The following NRG1 variants were observed in gnomAD, a reference collection of about 807,000 sequenced individuals.
The protein encoded by NRG1 is neuregulin 1.
NRG1 carries 18 observed loss-of-function variants against 63.8 expected under a neutral mutation model. The observed-to-expected ratio is 0.28, with a 90% CI of 0.19 to 0.42. The LOEUF (loss-of-function observed/expected upper bound fraction) is 0.42, where lower values mean the gene tolerates loss of function less well. Among genes scored for constraint, NRG1 ranks in the 10% least tolerant of loss-of-function variants. NRG1 has a pLI of 1.00. For missense variants in NRG1, 762 were observed against 814.7 expected (o/e 0.94, Z 0.79); for synonymous variants, 302 against 301.3 (o/e 1.00, Z -0.02).
At chr8:32,435,951 T>G (rs1818732874) in intron 1 of NRG1, among the ~76,000 whole-genome samples, 1 of 152,306 alleles carries the variant, frequency 6.6e-6, no homozygotes, top group African/African-American at 2.4e-5. Context: ...TTTCATAGGG[T>G]ATATTCATCT....
chr8:32,311,571 C>T (rs1380553012), intron 1 of NRG1, among the ~76,000 whole-genome samples: 1 of 152,086 alleles, frequency 6.6e-6, no homozygotes, highest in African/African-American at 2.4e-5. Context: ...AAAAGTCACA[C>T]TTAGAAAATA....
intron 1 of NRG1, among the ~76,000 whole-genome samples, chr8:31,943,314 A>G (rs1802040610): frequency 6.6e-6 from 1 of 152,130 alleles, no homozygotes; most frequent in Non-Finnish European, 1.5e-5. Flanking sequence ...GTTCTCACTC[A>G]TATGTGGGAG....
chr8:31,736,459 C>T (rs1230726584), intron 1 of NRG1, among the ~76,000 whole-genome samples: 3 of 151,994 alleles, frequency 2.0e-5, no homozygotes, highest in Admixed American at 6.6e-5. Context: ...AGAACAGTGA[C>T]GGACACATGA....
chr8:31,813,992 A>G (rs1823192376), intron 1 of NRG1, among the ~76,000 whole-genome samples: 1 of 152,186 alleles, frequency 6.6e-6, no homozygotes, highest in Non-Finnish European at 1.5e-5. Context: ...GAAAAACCAA[A>G]GTTTGAGCTT....
intron 1 of NRG1, among the ~76,000 whole-genome samples, chr8:32,384,957 C>G (rs1178705262): frequency 6.6e-6 from 1 of 152,172 alleles, no homozygotes; most frequent in African/African-American, 2.4e-5. Flanking sequence ...AGAAAAAGTT[C>G]CTGAACTTGT....
At chr8:32,188,070 ATT>A (rs796398786) in intron 1 of NRG1, among the ~76,000 whole-genome samples, 2 of 146,356 alleles carry the variant, frequency 1.4e-5, no homozygotes, top group Non-Finnish European at 3.0e-5. Flanking sequence ...AGGATTATAG[ATT>A]TTTTTTTTTT....
intron 1 of NRG1, among the ~76,000 whole-genome samples, chr8:31,724,664 A>C (rs1232992209): frequency 6.6e-6 from 1 of 152,156 alleles, no homozygotes; most frequent in Non-Finnish European, 1.5e-5. Context: ...CTGTTGAGAT[A>C]CACCACTTAT....
At chr8:31,639,506 C>G (rs1250422370) in intron 1 of NRG1, 2 of 1,519,102 alleles carry the variant, frequency 1.3e-6, no homozygotes, top group Non-Finnish European at 1.8e-6. Context: ...GCAACTCCGC[C>G]TCCAGGGCTC....
At chr8:32,248,999 T>A (rs1164981131) in intron 1 of NRG1, among the ~76,000 whole-genome samples, 7 of 152,098 alleles carry the variant, frequency 4.6e-5, no homozygotes. Flanking sequence ...AGTAAAAGTG[T>A]TTAAGGCTCA....
chr8:31,758,625 G>A (rs1288260134), intron 1 of NRG1, among the ~76,000 whole-genome samples: 1 of 152,096 alleles, frequency 6.6e-6, no homozygotes, highest in Non-Finnish European at 1.5e-5. Context: ...GATTTATCTG[G>A]GTTGTTACAT....
chr8:31,999,832 T>C (rs1169304228), intron 1 of NRG1, among the ~76,000 whole-genome samples: 3 of 152,012 alleles, frequency 2.0e-5, no homozygotes, highest in Non-Finnish European at 4.4e-5. Context: ...GCCATACATT[T>C]TGTAAATAAA....
intron 1 of NRG1, among the ~76,000 whole-genome samples, chr8:32,172,490 G>C (rs1840182918): frequency 6.6e-6 from 1 of 152,204 alleles, no homozygotes; most frequent in East Asian, 1.9e-4. Flanking sequence ...AACAAAGCTG[G>C]ATGGAGTATG....
chr8:32,145,275 G>A (rs1388261844), intron 1 of NRG1, among the ~76,000 whole-genome samples: 4 of 152,126 alleles, frequency 2.6e-5, no homozygotes, highest in African/African-American at 9.7e-5. Flanking sequence ...TGAGATACCT[G>A]AACCAGAAGC....
Position 32,651,848 on chromosome 8 carries a change from C to T in NRG1, c.502+34963C>T, listed in dbSNP as rs117688621. On this transcript the variant is annotated intron_variant, in intron 5 of 11. Transcript: ENST00000356819. The stretch of plus-strand genomic sequence containing the variant: ...TTGGTAACTATGTTTGTAGGTATTT[C>T]AGAACAGTGATTTTAAATAACTTCT... Among the ~76,000 whole-genome samples, 1,182 of 152,158 alleles carry T rather than the reference C, an allele frequency of 7.8e-3. 7 individuals are homozygous for T. The highest frequency in any genetic ancestry group is 0.012 in the Non-Finnish European group (816 of 67,978).
At chr8:31,677,371 A>G (rs944389899) in intron 1 of NRG1, among the ~76,000 whole-genome samples, 2 of 152,154 alleles carry the variant, frequency 1.3e-5, no homozygotes, top group Admixed American at 6.5e-5. Flanking sequence ...GAATCTATGT[A>G]GGGATATAGA....
In NRG1 at chr8:32,134,309, A is replaced by G. The variant is rs558403012; in HGVS notation, c.38-461519A>G. 2.0e-5 allele frequency among the ~76,000 whole-genome samples: 3 copies of G among 152,280 alleles called. No homozygotes were observed. In the South Asian group the frequency reaches 6.2e-4, roughly 32 times the overall value. ...TAAGTAGATAGGATGCTTAGAAACT[A>G]TATTTACCTGGAAGTGGCTTAAAAA... On this transcript the variant is annotated intron_variant, in intron 1 of 10. Coordinates refer to the NRG1 transcript ENST00000519301.
intron 1 of NRG1, among the ~76,000 whole-genome samples, chr8:31,706,372 A>G (rs1811154479): frequency 6.7e-6 from 1 of 148,732 alleles, no homozygotes; most frequent in Non-Finnish European, 1.5e-5. Context: ...CCATATATAC[A>G]TACATAGGGA....
chr8:32,717,514 G>C (rs183267893), intron 5 of NRG1, among the ~76,000 whole-genome samples: 1 of 152,250 alleles, frequency 6.6e-6, no homozygotes, highest in Admixed American at 6.5e-5. Context: ...GGAGTTGTGG[G>C]AAAATATATG....
downstream of NRG1, among the ~76,000 whole-genome samples, chr8:32,770,185 A>T (rs1365234445): frequency 6.6e-6 from 1 of 152,224 alleles, no homozygotes; most frequent in Non-Finnish European, 1.5e-5. Flanking sequence ...TTAATGGCTT[A>T]TGTATAGATT....
Sources: allele counts gnomAD v4.1 joint callset (sites outside exome capture counted in the v4.1 genomes callset), GRCh38; gene constraint gnomAD v4.1.1; transcripts MANE v1.5; gene names NCBI Gene and HGNC (gene_info 2026-07-23, HGNC 2026-07-21).